ZNF491: variants seen among roughly 807,000 people sequenced by gnomAD.
ZNF491 encodes the protein zinc finger protein 491.
A neutral mutation model predicts 34.7 loss-of-function variants in ZNF491; 22 were observed. That is an observed-to-expected ratio of 0.63 (90% CI 0.45 to 0.90). The LOEUF (loss-of-function observed/expected upper bound fraction) is 0.90, where lower values mean the gene tolerates loss of function less well. ZNF491 is among the 40% of genes least tolerant of loss of function. ZNF491 has a pLI of 0.00. For missense variants in ZNF491, 559 were observed against 531.7 expected, an observed-to-expected ratio of 1.05 and a Z score of -0.51; for synonymous variants, 148 against 174.3, an observed-to-expected ratio of 0.85 and a Z score of 1.19.
intron 2 of ZNF491, among the ~76,000 whole-genome samples, chr19:11,805,664 A>C (rs1223202788): frequency 6.6e-6 from 1 of 152,158 alleles, no homozygotes; most frequent in Non-Finnish European, 1.5e-5. Flanking sequence ...CCTGGGAGAC[A>C]CAGCAAGACT....
chr19:11,800,436 C>T (rs1233275469), intron 1 of ZNF491, among the ~76,000 whole-genome samples: 1 of 152,072 alleles, frequency 6.6e-6, no homozygotes, highest in African/African-American at 2.4e-5. Context: ...GAAACAGCTG[C>T]CATATTTTAT....
chr19:11,805,861 ATT>A, intron 2 of ZNF491, 84 bp from the exon 3 acceptor site: 1 of 1,184,410 alleles, frequency 8.4e-7, no homozygotes. Context: ...AAACAAAAAC[ATT>A]AAAAATGCAA....
At position 11,807,299 on chromosome 19, in the gene ZNF491, TAG is replaced by T. The variant is rs1325396245; in HGVS notation, c.*36_*37del. ...TGCTATTTTTTAATTTTTATTTTAA[TAG>T]AGACAGGGTCTCACTATCTTGTCCA... is the stretch of plus-strand genomic sequence containing the variant. On this transcript the variant is annotated 3_prime_UTR_variant, in exon 3 of 3. Coordinates refer to ENST00000323169, the MANE Select transcript of ZNF491 (RefSeq NM_152356.4). The T allele has an allele frequency of 6.2e-6, 9 of 1,458,940 alleles. No homozygotes were observed. The highest frequency in any genetic ancestry group is 8.2e-6 in the Non-Finnish European group (9 of 1,097,526). 90.4% of individuals were successfully genotyped at this position (1,458,940 alleles called of 1,614,324 possible). A position where few individuals can be genotyped will look rare whatever the true frequency, so the allele number is the denominator to read the frequency against.
chr19:11,804,480 A>G (rs1261928249), intron 1 of ZNF491, 62 bp from the exon 2 acceptor site: 2 of 1,454,112 alleles, frequency 1.4e-6, no homozygotes, highest in Non-Finnish European at 1.8e-6. Context: ...TTGGGAATAG[A>G]GTCTAGGCCC....
At chr19:11,800,816 A>T (rs1975550730) in intron 1 of ZNF491, among the ~76,000 whole-genome samples, 1 of 152,160 alleles carries the variant, frequency 6.6e-6, no homozygotes, top group Non-Finnish European at 1.5e-5. Flanking sequence ...TGAGCCTAGG[A>T]GTTCAAGACC....
chr19:11,807,429 G>A lies in ZNF491; in HGVS notation c.*162G>A. On this transcript the variant is annotated 3_prime_UTR_variant, in exon 3 of 3. Transcript: ENST00000323169. ...ATGGAGTTAGGTGATGCCACGCTGGGATTCACTGGTGGCCTATCTTACATA... is the reference window on the plus strand; with the variant it reads ...ATGGAGTTAGGTGATGCCACGCTGGAATTCACTGGTGGCCTATCTTACATA... The A allele has an allele frequency of 3.9e-6, 2 of 517,202 alleles. No homozygotes were observed. The highest frequency in any genetic ancestry group is 6.7e-6 in the Non-Finnish European group (2 of 296,862). The allele number at this position is 517,202 out of a possible 1,614,324, so 32.0% of individuals were successfully genotyped here.
At chr19:11,801,487 T>C (rs962270194) in intron 1 of ZNF491, among the ~76,000 whole-genome samples, 1 of 152,048 alleles carries the variant, frequency 6.6e-6, no homozygotes, top group Non-Finnish European at 1.5e-5. Context: ...AAACCCTGTC[T>C]TTACTAAAAA....
At chr19:11,801,925 T>C (rs1004050620) in intron 1 of ZNF491, among the ~76,000 whole-genome samples, 1 of 152,230 alleles carries the variant, frequency 6.6e-6, no homozygotes, top group Non-Finnish European at 1.5e-5. Context: ...CATTCATCCA[T>C]TGATTGGCAT....
rs1975635824 is a variant in ZNF491, at chr19:11,807,896, C to T, written c.*629C>T. 6.0e-6 allele frequency: 1 copy of T among 167,092 alleles called. No individual in the cohort carries two copies. Among genetic ancestry groups the T allele is most frequent in the African/African-American group, 2.4e-5 (1 of 41,412 alleles). The allele number at this position is 167,092 out of a possible 1,614,324, so 10.4% of individuals were successfully genotyped here. On this transcript the variant is annotated 3_prime_UTR_variant, in exon 3 of 3. Transcript: ENST00000323169. ...ACCAACTTGATGAGAGCTCTGCTGCCCTGTGCAGTGACTGGTCTCATCCAG... is the reference window on the plus strand; with the variant it reads ...ACCAACTTGATGAGAGCTCTGCTGCTCTGTGCAGTGACTGGTCTCATCCAG...
rs973155320 is a variant in ZNF491 at position 11,807,926 on chromosome 19, C to G, written c.*659C>G. The G allele has an allele frequency of 6.0e-6, 1 of 167,218 alleles. No homozygotes were observed. Among genetic ancestry groups the G allele is most frequent in the Middle Eastern group, 3.4e-3 (1 of 296 alleles). 10.4% of individuals were successfully genotyped at this position (167,218 alleles called of 1,614,324 possible). The stretch of plus-strand genomic sequence containing the variant: ...GCAGTGACTGGTCTCATCCAGGACT[C>G]TCATGTGAGAAGGAACACCTTGCTC... On this transcript the variant is annotated 3_prime_UTR_variant, in exon 3 of 3. Transcript: ENST00000323169.
At chr19:11,804,159 C>T (rs1023324674) in intron 1 of ZNF491, among the ~76,000 whole-genome samples, 28 of 148,044 alleles carry the variant, frequency 1.9e-4, no homozygotes, top group Admixed American at 7.5e-4. Context: ...GCCAAGATCG[C>T]GCCACTGCAC....
chr19:11,805,241 C>T (rs1004241920), intron 2 of ZNF491, among the ~76,000 whole-genome samples: 2 of 151,722 alleles, frequency 1.3e-5, no homozygotes, highest in Non-Finnish European at 2.9e-5. Flanking sequence ...CAAACCCTGT[C>T]GCTAGTAAAA....
intron 1 of ZNF491, among the ~76,000 whole-genome samples, chr19:11,799,589 T>C (rs1425766001): frequency 1.3e-5 from 2 of 149,290 alleles, no homozygotes; most frequent in African/African-American, 5.0e-5. Flanking sequence ...GGCAAGGTGA[T>C]GCCAGCGTGG....
chr19:11,805,185 G>A (rs1283576008), intron 2 of ZNF491, among the ~76,000 whole-genome samples: 1 of 152,114 alleles, frequency 6.6e-6, no homozygotes, highest in East Asian at 1.9e-4. Flanking sequence ...CAAGGTGGGC[G>A]GATCACCTGA....
In ZNF491 at chr19:11,806,099, A is replaced by T; in HGVS notation, c.146A>T (p.Tyr49Phe). ...ACATGTGGAGAAATCTTCATGGGAT[A>T]TTCATCCTTTAATAGGAACATCAGA... The part of the protein sequence containing the change: ...SGTCGEIFMG[Y>F]SSFNRNIRTD... Residue 49 changes from tyrosine to phenylalanine, a missense_variant, in exon 3 of 3, where the codon TAT becomes TTT. Tyr to Phe is a conservative substitution (Grantham distance 22). Transcript: ENST00000323169. 6.2e-7 allele frequency: 1 copy of T among 1,613,932 alleles called. No individual in the cohort carries two copies. Among genetic ancestry groups the T allele is most frequent in the Non-Finnish European group, 8.5e-7 (1 of 1,180,018 alleles).
At position 11,806,903 on chromosome 19, in the gene ZNF491, A is replaced by T; in HGVS notation, c.950A>T (p.His317Leu). The T allele has an allele frequency of 6.2e-7, 1 of 1,612,578 alleles. No individual in the cohort carries two copies. The highest frequency in any genetic ancestry group is 8.5e-7 in the Non-Finnish European group (1 of 1,179,416). ...AFTCSTSFQY[H>L]ERTHTGEKPD... ...ACTTGTTCCACTTCGTTTCAATATC[A>T]TGAAAGGACTCACACTGGAGAGAAA... The change falls in exon 3 of 3, where the codon CAT becomes CTT. Residue 317 changes from histidine (H) to leucine (L), a missense_variant. Transcript: ENST00000323169.
At chr19:11,800,732 A>G (rs1364587215) in intron 1 of ZNF491, among the ~76,000 whole-genome samples, 1 of 152,004 alleles carries the variant, frequency 6.6e-6, no homozygotes, top group African/African-American at 2.4e-5. Context: ...ACATTTTTTA[A>G]AAATTTTAGT....
intron 2 of ZNF491, among the ~76,000 whole-genome samples, chr19:11,805,324 G>A (rs745363581): frequency 4.1e-5 from 6 of 148,042 alleles, no homozygotes; most frequent in Non-Finnish European, 7.4e-5. Flanking sequence ...CAGAAGAGTC[G>A]CTTGAATCCG....
At position 11,808,453 on chromosome 19, in the gene ZNF491, A is replaced by G. The variant is rs958523011; in HGVS notation, c.*1186A>G. Among the ~76,000 whole-genome samples, 1 of 151,000 alleles carries G rather than the reference A, an allele frequency of 6.6e-6. No homozygotes were observed. Among genetic ancestry groups the G allele is most frequent in the Admixed American group, 6.6e-5 (1 of 15,174 alleles). The stretch of plus-strand genomic sequence containing the variant: ...GCAAATGTTTTTCTCTTTTTTTTGT[A>G]TACTGAGAAGCTCTATTAAAATATC... On this transcript the variant is annotated 3_prime_UTR_variant, in exon 3 of 3. Transcript: ENST00000323169.
Sources: allele counts gnomAD v4.1 joint callset (sites outside exome capture counted in the v4.1 genomes callset), GRCh38; gene constraint gnomAD v4.1.1; transcripts MANE v1.5; gene names NCBI Gene and HGNC (gene_info 2026-07-23, HGNC 2026-07-21).